The following AFF1 variants were observed in gnomAD, a reference collection of about 807,000 sequenced individuals.
The protein encoded by AFF1 is ALF transcription elongation factor 1, also known as AF4/FMR2 family member 1.
AFF1 carries 48 observed loss-of-function variants against 121.7 expected under a neutral mutation model. The ratio of observed to expected loss-of-function variants is 0.39; its 90% CI spans 0.31 to 0.50. The LOEUF is 0.50. AFF1 is among the 20% of genes least tolerant of loss of function. The probability of loss-of-function intolerance (pLI) is 0.76; values close to 1 mark genes in which losing one functional copy is unlikely to be tolerated. For synonymous variants in AFF1, 613 were observed against 563.0 expected, an observed-to-expected ratio of 1.09 and a Z score of -1.26; for missense variants, 1,523 against 1,511.7, an observed-to-expected ratio of 1.01 and a Z score of -0.12.
intron 2 of AFF1, among the ~76,000 whole-genome samples, chr4:86,997,874 C>T (rs956126482): frequency 1.3e-5 from 2 of 151,758 alleles, no homozygotes; most frequent in Non-Finnish European, 2.9e-5. Context: ...TTTGGGAGGC[C>T]GAGGCTGAGG....
At chr4:87,001,915 C>T (rs182404071) in intron 2 of AFF1, among the ~76,000 whole-genome samples, 4 of 152,262 alleles carry the variant, frequency 2.6e-5, no homozygotes, top group African/African-American at 7.2e-5. Flanking sequence ...TAGCAGTGTC[C>T]TGGTTAAACA....
At chr4:87,131,932 T>G in intron 18 of AFF1, 68 bp downstream of exon 18, 1 of 1,351,180 alleles carries the variant, frequency 7.4e-7, no homozygotes, top group Admixed American at 3.0e-5. Flanking sequence ...ACAAAAAGAT[T>G]CTGAAATTTG....
Position 87,137,114 on chromosome 4 carries a change from G to A in AFF1, c.*1413G>A, listed in dbSNP as rs1349529424. The A allele has an allele frequency of 4.4e-6, 1 of 225,878 alleles. No individual in the cohort carries two copies. The highest frequency in any genetic ancestry group is 8.8e-6 in the Non-Finnish European group (1 of 113,370). 14.0% of individuals were successfully genotyped at this position (225,878 alleles called of 1,614,324 possible). On this transcript the variant is annotated 3_prime_UTR_variant, in exon 21 of 21. Transcript: ENST00000395146. ...CATTGAAACTTTAAAGGTTATTATT[G>A]GAAACATTACTTTGAGTGCAGTGTT...
At chr4:87,007,068 TGGGG>T (rs1726207415) in intron 2 of AFF1, 1 of 1,211,716 alleles carries the variant, frequency 8.3e-7, no homozygotes, top group South Asian at 2.6e-5. Flanking sequence ...TCTTCGAGCG[TGGGG>T]GCCCGCTGGC....
In AFF1 at chr4:87,115,110, C is replaced by T. The variant is rs61734707; in HGVS notation, c.2277C>T (p.Leu759=). 6 of 1,614,144 alleles carry T rather than the reference C, an allele frequency of 3.7e-6. No homozygotes were observed. Among genetic ancestry groups the T allele is most frequent in the Admixed American group, 3.3e-5 (2 of 60,028 alleles). ...GAGACACCAAGCTGCTCTCACCGCT[C>T]AGGGACACTCCTCCCCCACAAAGCT... ...PLRDTKLLSP[L]RDTPPPQSLM... is the part of the protein sequence containing the mutation. Residue 759 remains leucine (L), a synonymous_variant, in exon 12 of 21, where the codon CTC becomes CTT. Transcript: ENST00000395146.
intron 2 of AFF1, among the ~76,000 whole-genome samples, chr4:87,031,484 C>T (rs770165757): frequency 1.3e-5 from 2 of 149,550 alleles, no homozygotes; most frequent in Non-Finnish European, 1.5e-5. Flanking sequence ...TTGTGTATCT[C>T]GCTAAATTGT....
intron 4 of AFF1, among the ~76,000 whole-genome samples, chr4:87,053,791 A>ATG (rs1392334401): frequency 6.6e-6 from 1 of 152,256 alleles, no homozygotes; most frequent in East Asian, 1.9e-4. Context: ...TAGTCAAGTA[A>ATG]TCACTCAGAT....
rs535579399 is a variant in AFF1 at position 86,972,004 on chromosome 4, G to A, written c.38+23433G>A. On this transcript the variant is annotated intron_variant, in intron 2 of 20. Transcript: ENST00000395146. ...CTTCAAAAGATTAGTCGGGAATAGT[G>A]GCACATGCCTGTAGACTCAGCTACA... Among the ~76,000 whole-genome samples, 8 of 152,060 alleles carry A rather than the reference G, an allele frequency of 5.3e-5. No homozygotes were observed. The South Asian group carries it at 1.7e-3, about 32-fold the overall frequency.
At chr4:87,013,034 T>TTTTTTTTG (rs1490902116) in intron 2 of AFF1, among the ~76,000 whole-genome samples, 1 of 7,702 alleles carries the variant, frequency 1.3e-4, no homozygotes, top group African/African-American at 1.6e-4. Flanking sequence ...ATCAAGTTCT[T>TTTTTTTTG]TTTTTTTTTT....
intron 1 of AFF1, among the ~76,000 whole-genome samples, chr4:86,938,894 G>T (rs575242000): frequency 6.6e-6 from 1 of 152,302 alleles, no homozygotes; most frequent in East Asian, 1.9e-4. Context: ...AAAATCAGCT[G>T]ATTTTCTTAA....
At chr4:86,988,549 A>G (rs1724469979) in intron 2 of AFF1, among the ~76,000 whole-genome samples, 1 of 152,200 alleles carries the variant, frequency 6.6e-6, no homozygotes, top group African/African-American at 2.4e-5. Context: ...AGAGGACACA[A>G]ACAAATGGAA....
rs147979753 is a variant in AFF1 at position 87,047,010 on chromosome 4, G to C, written c.475G>C (p.Gly159Arg). Residue 159 changes from glycine to arginine, a missense_variant, in exon 4 of 21, where the codon GGC (glycine) becomes CGC (arginine). This residue lies in a region of AFF1 where 369 missense variants were observed against 367.2 expected (regional missense o/e 1.00). Transcript: ENST00000395146. ...GCCAAGTCTCCATGCCAAAAGCTGC[G>C]GCCCACCGGACAGCCAGCACCTGAC... Reference protein sequence around the residue: ...PMPSLHAKSCGPPDSQHLTQD... With the variant: ...PMPSLHAKSCRPPDSQHLTQD... The C allele has an allele frequency of 4.5e-5, 72 of 1,613,984 alleles. No individual in the cohort carries two copies. Among genetic ancestry groups the C allele is most frequent in the Admixed American group, 2.8e-4 (17 of 59,982 alleles).
intron 2 of AFF1, among the ~76,000 whole-genome samples, chr4:86,953,844 C>T (rs763512263): frequency 1.0e-4 from 15 of 149,184 alleles, no homozygotes; most frequent in African/African-American, 2.4e-4. Context: ...TTCAGCCTCC[C>T]GAGTAGCTGG....
At chr4:86,982,312 A>G (rs1004045054) in intron 2 of AFF1, among the ~76,000 whole-genome samples, 2 of 152,082 alleles carry the variant, frequency 1.3e-5, no homozygotes, top group Admixed American at 6.6e-5. Flanking sequence ...TGCTAAGGCA[A>G]AGAAAAGATG....
At chr4:86,935,837 G>A (rs1578801152) in intron 1 of AFF1, 1 of 152,336 alleles carries the variant, frequency 6.6e-6, no homozygotes, top group Middle Eastern at 3.4e-3. Flanking sequence ...GGCGTCTTTA[G>A]TATGGGACTG....
At chr4:86,937,335 C>T (rs909118808) in intron 1 of AFF1, among the ~76,000 whole-genome samples, 13 of 152,198 alleles carry the variant, frequency 8.5e-5, no homozygotes, top group African/African-American at 2.9e-4. Flanking sequence ...ACATTGCTTT[C>T]TCCTACATGC....
At chr4:87,049,093 AAAGG>A (rs1314956933) in intron 4 of AFF1, among the ~76,000 whole-genome samples, 13 of 65,420 alleles carry the variant, frequency 2.0e-4, no homozygotes, top group African/African-American at 3.4e-4. Context: ...AAAAAAAAAA[AAAGG>A]GGGGGGGGGG....
intron 2 of AFF1, among the ~76,000 whole-genome samples, chr4:87,031,664 A>G (rs1466843263): frequency 6.6e-6 from 1 of 150,984 alleles, no homozygotes; most frequent in Non-Finnish European, 1.5e-5. Flanking sequence ...AATATTCAAA[A>G]TACAATTCTG....
chr4:87,065,097 G>T (rs1157021718), intron 4 of AFF1, among the ~76,000 whole-genome samples: 2 of 152,120 alleles, frequency 1.3e-5, no homozygotes, highest in Non-Finnish European at 2.9e-5. Context: ...TGGTGCATTA[G>T]TCTGCTTTCA....
Sources: allele counts gnomAD v4.1 joint callset (sites outside exome capture counted in the v4.1 genomes callset), GRCh38; gene constraint gnomAD v4.1.1; regional missense constraint gnomAD v4.1.1; transcripts MANE v1.5; gene names NCBI Gene and HGNC (gene_info 2026-07-23, HGNC 2026-07-21).